The following CUL1 variants were observed in gnomAD, a reference collection of about 807,000 sequenced individuals.
CUL1 encodes the protein cullin-1.
CUL1 carries 24 observed loss-of-function variants against 118.0 expected under a neutral mutation model. The observed-to-expected ratio is 0.20, with a 90% confidence interval of 0.15 to 0.29. The LOEUF is 0.29. CUL1 is among the 10% of genes least tolerant of loss of function. The pLI is 1.00. For missense variants in CUL1, 361 were observed against 933.8 expected, an observed-to-expected ratio of 0.39 and a Z score of 7.99; for synonymous variants, 332 against 340.4, an observed-to-expected ratio of 0.98 and a Z score of 0.27.
At chr7:148,718,989 G>T (rs1190175675) in intron 1 of CUL1, among the ~76,000 whole-genome samples, 1 of 152,152 alleles carries the variant, frequency 6.6e-6, no homozygotes, top group Non-Finnish European at 1.5e-5. Flanking sequence ...TAAAGGTTTA[G>T]AATGGCTTTA....
intron 2 of CUL1, among the ~76,000 whole-genome samples, chr7:148,745,161 C>T (rs994524760): frequency 2.0e-5 from 3 of 152,028 alleles, no homozygotes; most frequent in Non-Finnish European, 4.4e-5. Flanking sequence ...GTAATTTATT[C>T]TAGATTTCCT....
intron 16 of CUL1, among the ~76,000 whole-genome samples, chr7:148,792,227 A>G (rs923301596): frequency 6.6e-6 from 1 of 152,004 alleles, no homozygotes; most frequent in Non-Finnish European, 1.5e-5. Context: ...TTGCCATTTC[A>G]TACTTTACTT....
rs1321886740 is a variant in CUL1, at chr7:148,787,177, C to T, written c.1479+57C>T. On this transcript the variant is annotated intron_variant, in intron 13 of 21. Coordinates refer to ENST00000325222, the MANE Select transcript of CUL1 (RefSeq NM_003592.3). This position sits in a 1 kb window ranked among gnomAD's most constrained non-coding sequence, Gnocchi z 5.5. Reference sequence around the variant, plus strand: ...CTTCTGAGTCATTATTAAAACAGCTCTATGGCCGAGCGCGGTGGCTCATGC... The same window carrying T: ...CTTCTGAGTCATTATTAAAACAGCTTTATGGCCGAGCGCGGTGGCTCATGC... 13 of 1,585,650 alleles carry T rather than the reference C, an allele frequency of 8.2e-6. No homozygotes were observed. Among genetic ancestry groups the T allele is most frequent in the Non-Finnish European group, 1.0e-5 (12 of 1,162,426 alleles).
intron 7 of CUL1, 141 bp downstream of exon 7, chr7:148,760,637 G>A (rs1799798008): frequency 1.7e-6 from 1 of 579,270 alleles, no homozygotes; most frequent in Non-Finnish European, 3.0e-6. Flanking sequence ...AGGTGCAAGT[G>A]CTTCTCCTAA....
Position 148,707,133 on chromosome 7 carries a change from T to G in CUL1, c.-162+8104T>G, listed in dbSNP as rs993126208. On this transcript the variant is annotated intron_variant, in intron 1 of 21. Coordinates refer to ENST00000325222, the MANE Select transcript of CUL1 (RefSeq NM_003592.3). Reference sequence around the variant, plus strand: ...ACTCCCCTACCATATTAACATGTTTTGTAGAACACATACTGATTTTAAAAT... The same window carrying G: ...ACTCCCCTACCATATTAACATGTTTGGTAGAACACATACTGATTTTAAAAT... 3.9e-5 allele frequency among the ~76,000 whole-genome samples: 6 copies of G among 152,210 alleles called. No homozygotes were observed. The East Asian group carries it at 9.6e-4, about 24-fold the overall frequency.
chr7:148,736,986 C>T (rs962415950), intron 2 of CUL1, among the ~76,000 whole-genome samples: 1 of 152,194 alleles, frequency 6.6e-6, no homozygotes, highest in Non-Finnish European at 1.5e-5. Context: ...TCTTTGCCTT[C>T]TAGATTTTCG....
chr7:148,700,143 A>G (rs142094409), intron 1 of CUL1, among the ~76,000 whole-genome samples: 83 of 152,240 alleles, frequency 5.5e-4, no homozygotes, highest in African/African-American at 2.0e-3. Context: ...AAGTGCGCAA[A>G]TACTGAATTG....
chr7:148,734,279 C>G (rs562428449), intron 2 of CUL1, among the ~76,000 whole-genome samples: 3 of 152,216 alleles, frequency 2.0e-5, no homozygotes, highest in Non-Finnish European at 4.4e-5. Context: ...CAGAGTCTCA[C>G]TCTGTCAACC....
chr7:148,700,078 CTT>C (rs1057133109), intron 1 of CUL1, among the ~76,000 whole-genome samples: 1 of 152,202 alleles, frequency 6.6e-6, no homozygotes, highest in African/African-American at 2.4e-5. Context: ...AGAGGATTCT[CTT>C]TTCCGATTGG....
intron 15 of CUL1, 90 bp from the exon 16 acceptor site, chr7:148,790,220 G>T: frequency 7.2e-7 from 1 of 1,391,710 alleles, no homozygotes; most frequent in Non-Finnish European, 1.0e-6. Flanking sequence ...ACTTTGTACT[G>T]TAAGCTTGGA....
At chr7:148,794,620 T>G (rs766451763) in intron 17 of CUL1, among the ~76,000 whole-genome samples, 2 of 152,236 alleles carry the variant, frequency 1.3e-5, no homozygotes, top group Non-Finnish European at 1.5e-5. Flanking sequence ...GAGATTTTGA[T>G]AAGGATTGCA....
At chr7:148,781,977 C>T (rs762733539) in intron 9 of CUL1, among the ~76,000 whole-genome samples, 1 of 152,178 alleles carries the variant, frequency 6.6e-6, no homozygotes, top group Non-Finnish European at 1.5e-5. Context: ...TTGTGACACG[C>T]AGTTCTTTGT....
intron 1 of CUL1, among the ~76,000 whole-genome samples, chr7:148,713,143 C>T (rs551578850): frequency 2.6e-5 from 4 of 151,878 alleles, no homozygotes; most frequent in African/African-American, 7.2e-5. Flanking sequence ...AATGTAATAC[C>T]GTTTTTTCTT....
intron 6 of CUL1, 59 bp downstream of exon 6, chr7:148,759,697 T>A (rs1799776455): frequency 1.2e-6 from 1 of 865,410 alleles, no homozygotes; most frequent in African/African-American, 1.7e-5. Flanking sequence ...ATTACAACAA[T>A]GCTCTAACAG....
intron 3 of CUL1, among the ~76,000 whole-genome samples, chr7:148,754,702 A>G (rs1393428133): frequency 1.3e-5 from 2 of 152,144 alleles, no homozygotes; most frequent in East Asian, 3.8e-4. Context: ...ATGTTTTTCA[A>G]ATGTGATCTT....
chr7:148,764,782 A>G lies in CUL1; in HGVS notation c.790-1779A>G, dbSNP rs116853849. Among the ~76,000 whole-genome samples the G allele has an allele frequency of 6.2e-3, 946 of 152,342 alleles. 1 individual carries two copies. The highest frequency in any genetic ancestry group is 0.011 in the Non-Finnish European group (763 of 68,036). On this transcript the variant is annotated intron_variant, in intron 7 of 21. Coordinates refer to ENST00000325222, the MANE Select transcript of CUL1 (RefSeq NM_003592.3). ...TATAATCAGAAAAACAAAATTACAC[A>G]TTAACTGTAGACTTTTTGGAAAATA...
chr7:148,786,617 A>G lies in CUL1; in HGVS notation c.1347+18A>G, dbSNP rs367653503. 9.3e-6 allele frequency: 15 copies of G among 1,607,354 alleles called. No homozygotes were observed. Among genetic ancestry groups the G allele is most frequent in the African/African-American group, 1.3e-5 (1 of 74,794 alleles). On this transcript the variant is annotated intron_variant, in intron 12 of 21. Coordinates refer to ENST00000325222, the MANE Select transcript of CUL1 (RefSeq NM_003592.3). ...ATCAAGTGGTAAGTGCTTCATGAGC[A>G]TACCCATTTCCAGTAGCTGTGTATT...
Position 148,725,214 on chromosome 7 carries a change from C to T in CUL1, c.-161-4748C>T, listed in dbSNP as rs533215976. Among the ~76,000 whole-genome samples, 309 of 131,670 alleles carry T rather than the reference C, an allele frequency of 2.3e-3. 4 individuals are homozygous for T. The highest frequency in any genetic ancestry group is 9.5e-3 in the African/African-American group (274 of 28,842). The allele number at this position is 131,670 out of a possible 152,430, so 86.4% of individuals were successfully genotyped here. A position where few individuals can be genotyped will look rare whatever the true frequency, so the allele number is the denominator to read the frequency against. Reference sequence around the variant, plus strand: ...GCGCGCGTGTACACACACACACACGCGCGCGCTCACACACACACACACACA... The same window carrying T: ...GCGCGCGTGTACACACACACACACGTGCGCGCTCACACACACACACACACA... On this transcript the variant is annotated intron_variant, in intron 1 of 21. Transcript: ENST00000325222.
At chr7:148,744,386 G>A (rs918749902) in intron 2 of CUL1, among the ~76,000 whole-genome samples, 17 of 145,106 alleles carry the variant, frequency 1.2e-4, no homozygotes, top group Non-Finnish European at 2.1e-4. Context: ...ATATTTGTTG[G>A]TTGTTTCTGC....
Sources: gnomAD v4.1 joint callset for allele counts (sites outside exome capture counted in the v4.1 genomes callset) on GRCh38, gnomAD v4.1.1 for gene constraint, Gnocchi (gnomAD v3.1) non-coding constraint, MANE v1.5 for transcripts, NCBI Gene and HGNC (gene_info 2026-07-23, HGNC 2026-07-21) for gene names.